The following IKZF1 variants were observed in gnomAD, a reference collection of about 807,000 sequenced individuals.
IKZF1 encodes the protein DNA-binding protein Ikaros.
In IKZF1, 10 loss-of-function variants were observed where a neutral mutation model predicts 51.7. That is an observed-to-expected ratio of 0.19 (90% CI 0.12 to 0.33). The LOEUF (loss-of-function observed/expected upper bound fraction) is 0.33, where lower values mean the gene tolerates loss of function less well. Among genes scored for constraint, IKZF1 ranks in the 10% least tolerant of loss-of-function variants. The pLI is 1.00. For missense variants in IKZF1, 484 were observed against 707.5 expected (o/e 0.68, Z 3.58); for synonymous variants, 280 against 282.3 (o/e 0.99, Z 0.08).
chr7:50,358,579 C>T (rs1421674140), intron 3 of IKZF1, among the ~76,000 whole-genome samples: 3 of 152,204 alleles, frequency 2.0e-5, no homozygotes, highest in Non-Finnish European at 4.4e-5. Context: ...GTGCATGGCT[C>T]GGACTCCAGA....
intron 3 of IKZF1, among the ~76,000 whole-genome samples, chr7:50,339,624 T>A (rs1472728577): frequency 3.3e-5 from 5 of 151,850 alleles, no homozygotes; most frequent in Admixed American, 3.3e-4. Flanking sequence ...TGTGGTGGCG[T>A]GTGCCTGTAG....
At position 50,378,264 on chromosome 7, in the gene IKZF1, A is replaced by G. The variant is rs559064223; in HGVS notation, c.421+1471A>G. On this transcript the variant is annotated intron_variant, in intron 4 of 7. Coordinates refer to ENST00000331340, the MANE Select transcript of IKZF1 (RefSeq NM_006060.6). ...CCATAAAAATTCAACTTCTAAAATT[A>G]AGCAAACTTTGCTTTTTCTAATGGC... Among the ~76,000 whole-genome samples, 223 of 152,344 alleles carry G rather than the reference A, an allele frequency of 1.5e-3. 1 individual carries two copies. Among genetic ancestry groups the G allele is most frequent in the African/African-American group, 5.2e-3 (217 of 41,572 alleles).
chr7:50,397,861 G>GT (rs953867516), intron 7 of IKZF1, among the ~76,000 whole-genome samples: 2 of 151,956 alleles, frequency 1.3e-5, no homozygotes, highest in African/African-American at 4.8e-5. Flanking sequence ...CCATGCACAA[G>GT]TTTTTTTTCT....
Position 50,403,196 on chromosome 7 carries a change from A to C in IKZF1, c.*2569A>C. 1 of 218,970 alleles carries C rather than the reference A, an allele frequency of 4.6e-6. No homozygotes were observed. The highest frequency in any genetic ancestry group is 9.2e-6 in the Non-Finnish European group (1 of 109,238). 13.6% of individuals were successfully genotyped at this position (218,970 alleles called of 1,614,324 possible). A position where few individuals can be genotyped will look rare whatever the true frequency, so the allele number is the denominator to read the frequency against. ...TGTAACACCATTTTTCTTTGAAACT[A>C]TTGTATTTAAAGTAAGGTTTCATAT... On this transcript the variant is annotated 3_prime_UTR_variant, in exon 8 of 8. Transcript: ENST00000331340.
At chr7:50,315,064 C>T (rs1040110569) in intron 1 of IKZF1, among the ~76,000 whole-genome samples, 6 of 152,244 alleles carry the variant, frequency 3.9e-5, no homozygotes, top group Non-Finnish European at 8.8e-5. Context: ...TGTCGGCTTG[C>T]CCGGCTTGCC....
In IKZF1 at chr7:50,400,651, G is replaced by T; in HGVS notation, c.*24G>T. On this transcript the variant is annotated 3_prime_UTR_variant, in exon 8 of 8. Transcript: ENST00000331340. This position sits in a 1 kb window ranked among gnomAD's most constrained non-coding sequence, Gnocchi z 5.4. ...AAAGCCCTCCCGCGCCCCCACCCCA[G>T]ACCCCGAGCCACCCCAGGAAAAGCA... is the stretch of plus-strand genomic sequence containing the variant. The T allele has an allele frequency of 3.8e-6, 6 of 1,580,616 alleles. No individual in the cohort carries two copies. Among genetic ancestry groups the T allele is most frequent in the Non-Finnish European group, 5.1e-6 (6 of 1,169,416 alleles).
At chr7:50,348,568 C>T (rs556916633) in intron 3 of IKZF1, among the ~76,000 whole-genome samples, 177 of 152,262 alleles carry the variant, frequency 1.2e-3, no homozygotes, top group Non-Finnish European at 2.1e-3. Flanking sequence ...CATCCACAGC[C>T]GCAGCAGAGG....
At chr7:50,314,441 C>G (rs1395902043) in intron 1 of IKZF1, among the ~76,000 whole-genome samples, 1 of 152,220 alleles carries the variant, frequency 6.6e-6, no homozygotes, top group Non-Finnish European at 1.5e-5. Flanking sequence ...TGTAGAATTA[C>G]TGTGTGCTAC....
intron 4 of IKZF1, among the ~76,000 whole-genome samples, chr7:50,380,734 C>T (rs905706441): frequency 3.9e-5 from 6 of 152,212 alleles, no homozygotes; most frequent in Non-Finnish European, 5.9e-5. Context: ...TTTTTATCCA[C>T]TTGGAGTTAA....
intron 3 of IKZF1, among the ~76,000 whole-genome samples, chr7:50,356,472 G>C (rs1019796865): frequency 2.6e-5 from 4 of 152,158 alleles, no homozygotes; most frequent in South Asian, 2.1e-4. Context: ...ATTTGTGAGA[G>C]TGTGTGAGTG....
chr7:50,377,882 G>A (rs1409861787), intron 4 of IKZF1, among the ~76,000 whole-genome samples: 1 of 152,124 alleles, frequency 6.6e-6, no homozygotes, highest in Non-Finnish European at 1.5e-5. Context: ...GCATTGTTAG[G>A]TCATCATAAA....
At chr7:50,357,604 C>T (rs1803852446) in intron 3 of IKZF1, among the ~76,000 whole-genome samples, 2 of 152,118 alleles carry the variant, frequency 1.3e-5, no homozygotes, top group Admixed American at 1.3e-4. Flanking sequence ...ATTGCAACAT[C>T]CCTGGACAGA....
At chr7:50,344,073 G>C (rs1217163884) in intron 3 of IKZF1, among the ~76,000 whole-genome samples, 1 of 152,174 alleles carries the variant, frequency 6.6e-6, no homozygotes, top group African/African-American at 2.4e-5. Flanking sequence ...AGCCCAGCTT[G>C]TTGTAAAAGA....
chr7:50,375,335 G>C (rs955152906), intron 3 of IKZF1, among the ~76,000 whole-genome samples: 1 of 152,102 alleles, frequency 6.6e-6, no homozygotes, highest in Non-Finnish European at 1.5e-5. Flanking sequence ...GAGGTGGGAG[G>C]ATCACTTGAG....
At chr7:50,397,403 A>G (rs1562904303) in intron 7 of IKZF1, among the ~76,000 whole-genome samples, 1 of 152,186 alleles carries the variant, frequency 6.6e-6, no homozygotes, top group African/African-American at 2.4e-5. Flanking sequence ...GTAATCTGGC[A>G]TATATGTTGA....
At chr7:50,310,917 G>A (rs1453126796) in intron 1 of IKZF1, among the ~76,000 whole-genome samples, 2 of 152,198 alleles carry the variant, frequency 1.3e-5, no homozygotes, top group East Asian at 3.9e-4. Context: ...GTGGGGTGAT[G>A]AGCAAGGTGA....
intron 6 of IKZF1, among the ~76,000 whole-genome samples, chr7:50,388,304 G>A (rs891739796): frequency 3.9e-5 from 6 of 152,174 alleles, no homozygotes; most frequent in African/African-American, 9.7e-5. Flanking sequence ...GAAATTTAAC[G>A]AATGGAGGAA....
At chr7:50,315,466 C>T (rs1791307292) in intron 1 of IKZF1, among the ~76,000 whole-genome samples, 1 of 152,188 alleles carries the variant, frequency 6.6e-6, no homozygotes, top group African/African-American at 2.4e-5. Flanking sequence ...TGGCCCTGCA[C>T]TTATCTCTGC....
rs1027134501 is a variant in IKZF1, at chr7:50,402,377, A to G, written c.*1750A>G. The G allele has an allele frequency of 8.7e-6, 2 of 230,228 alleles. No individual in the cohort carries two copies. Among genetic ancestry groups the G allele is most frequent in the African/African-American group, 4.4e-5 (2 of 45,158 alleles). The allele number at this position is 230,228 out of a possible 1,614,324, so 14.3% of individuals were successfully genotyped here. On this transcript the variant is annotated 3_prime_UTR_variant, in exon 8 of 8. Transcript: ENST00000331340. ...TTGTTAGGCGGGAGCTCTCCTGTGCATTGTAGGATAATTAGCAGTATCCCT... is the reference window on the plus strand; with the variant it reads ...TTGTTAGGCGGGAGCTCTCCTGTGCGTTGTAGGATAATTAGCAGTATCCCT...
Sources: gnomAD v4.1 joint callset for allele counts (sites outside exome capture counted in the v4.1 genomes callset) on GRCh38, gnomAD v4.1.1 for gene constraint, Gnocchi (gnomAD v3.1) non-coding constraint, MANE v1.5 for transcripts, NCBI Gene and HGNC (gene_info 2026-07-23, HGNC 2026-07-21) for gene names.